Variants in MOSPD2 observed in about 807,000 individuals in gnomAD.
MOSPD2 encodes the protein motile sperm domain-containing protein 2.
In MOSPD2, 5 loss-of-function variants were observed where a neutral mutation model predicts 41.7. That is an observed-to-expected ratio of 0.12 (90% CI 0.06 to 0.25). The LOEUF (loss-of-function observed/expected upper bound fraction) is 0.25. Ranked by LOEUF, MOSPD2 falls within the 10% of genes least tolerant of loss-of-function variation. MOSPD2 has a pLI of 1.00. For synonymous variants in MOSPD2, 115 were observed against 126.9 expected (o/e 0.91, Z 0.63); for missense variants, 282 against 375.2 (o/e 0.75, Z 2.05).
At chrX:14,899,043 C>A (rs760286475) in intron 5 of MOSPD2, among the ~76,000 whole-genome samples, 1 of 108,536 alleles carries the variant, frequency 9.2e-6, no homozygotes, top group East Asian at 2.8e-4. Flanking sequence ...GAAAGAAATG[C>A]AATCATTTAA....
At chrX:14,892,371 T>G (rs1271918041) in intron 2 of MOSPD2, among the ~76,000 whole-genome samples, 1 of 111,250 alleles carries the variant, frequency 9.0e-6, no homozygotes, top group African/African-American at 3.3e-5. Flanking sequence ...CAGGCTCTTT[T>G]CAACAATCAG....
At position 14,908,919 on chromosome X, in the gene MOSPD2, A is replaced by C; in HGVS notation, c.637A>C (p.Thr213Pro). 1 of 1,198,058 alleles carries C rather than the reference A, an allele frequency of 8.3e-7. No homozygotes were observed. Among genetic ancestry groups the C allele is most frequent in the Non-Finnish European group, 1.1e-6 (1 of 885,561 alleles). The change falls in exon 8 of 15, where the codon ACA becomes CCA. Residue 213 changes from threonine (T) to proline (P), a missense_variant. Thr to Pro is a conservative substitution (Grantham distance 38, BLOSUM62 -1). Coordinates refer to ENST00000380492, the MANE Select transcript of MOSPD2 (RefSeq NM_152581.4). ...AGAAGCAGTGAGCTTGTTGAAGTTT[A>C]CAAGCAAAAATGAAGTCCAGGACTA... is the stretch of plus-strand genomic sequence containing the variant. ...GPEAVSLLKF[T>P]SKNEVQDYVS... is the part of the protein sequence containing the mutation.
chrX:14,904,401 G>A (rs1183110815), intron 7 of MOSPD2, among the ~76,000 whole-genome samples: 1 of 111,602 alleles, frequency 9.0e-6, no homozygotes, highest in African/African-American at 3.3e-5. Context: ...AAAAGCATTT[G>A]ACAAAATCTA....
intron 13 of MOSPD2, among the ~76,000 whole-genome samples, chrX:14,916,891 A>G: frequency 8.9e-6 from 1 of 112,736 alleles, no homozygotes; most frequent in South Asian, 3.7e-4. Flanking sequence ...GTATATAGAT[A>G]TATCAGGTTG....
chrX:14,914,096 G>T (rs1457237352), intron 10 of MOSPD2, among the ~76,000 whole-genome samples: 1 of 111,515 alleles, frequency 9.0e-6, no homozygotes, highest in Non-Finnish European at 1.9e-5. Flanking sequence ...TTTTCTGTTG[G>T]TGTATAGAAA....
rs1158007518 is a variant in MOSPD2 at position 14,922,143 on chromosome X, T to G, written c.*2334T>G. 9.0e-6 allele frequency: 1 copy of G among 111,607 alleles called. No individual in the cohort carries two copies. Among genetic ancestry groups the G allele is most frequent in the Non-Finnish European group, 1.9e-5 (1 of 53,151 alleles). 9.2% of individuals were successfully genotyped at this position (111,607 alleles called of 1,213,427 possible). On this transcript the variant is annotated 3_prime_UTR_variant, in exon 15 of 15. Coordinates refer to ENST00000380492, the MANE Select transcript of MOSPD2 (RefSeq NM_152581.4). ...TTGTACAACTACAAAAAAAAATATATTCCTAGAATTGTTGCCAGTGTAATT... is the reference window on the plus strand; with the variant it reads ...TTGTACAACTACAAAAAAAAATATAGTCCTAGAATTGTTGCCAGTGTAATT...
At chrX:14,876,489 C>A (rs1176862586) in intron 2 of MOSPD2, among the ~76,000 whole-genome samples, 1 of 111,945 alleles carries the variant, frequency 8.9e-6, no homozygotes, top group Non-Finnish European at 1.9e-5. Context: ...ACTAAGTTAC[C>A]ATTATGTATA....
chrX:14,903,387 T>G (rs1172160946), intron 7 of MOSPD2, among the ~76,000 whole-genome samples: 1 of 110,428 alleles, frequency 9.1e-6, no homozygotes, highest in African/African-American at 3.3e-5. Context: ...ATTCAACCAT[T>G]AAGGTAATAC....
At chrX:14,876,263 A>G (rs2092519961) in intron 2 of MOSPD2, among the ~76,000 whole-genome samples, 1 of 112,378 alleles carries the variant, frequency 8.9e-6, no homozygotes, top group South Asian at 3.6e-4. Context: ...TGTTTAGAAC[A>G]TCCACTTTCC....
At position 14,916,308 on chromosome X, in the gene MOSPD2, A is replaced by G. The variant is rs759420459; in HGVS notation, c.1298A>G (p.Asn433Ser). 4 of 1,211,848 alleles carry G rather than the reference A, an allele frequency of 3.3e-6. No homozygotes were observed. In the South Asian group the frequency reaches 5.3e-5, roughly 16 times the overall value. ...CAGTTTTGGAAAGAAGTTCCCAGAA[A>G]CAAAGTGATGGAACATAGGTAAGCT... ...LTQFWKEVPR[N>S]KVMEHRLRCH... is the part of the protein sequence containing the mutation. The change falls in exon 13 of 15, where the codon AAC becomes AGC. Residue 433 changes from asparagine to serine, a missense_variant. Around this residue, in one of 3 missense-constraint regions of MOSPD2, gnomAD observed 94 missense variants for 102.1 expected, o/e 0.92. Coordinates refer to ENST00000380492, the MANE Select transcript of MOSPD2 (RefSeq NM_152581.4).
At chrX:14,891,641 C>T (rs1329107390) in intron 2 of MOSPD2, among the ~76,000 whole-genome samples, 1 of 107,663 alleles carries the variant, frequency 9.3e-6, no homozygotes, top group Non-Finnish European at 1.9e-5. Flanking sequence ...AATCTCAGCT[C>T]ACTGCAACCT....
chrX:14,885,633 G>A (rs1271962077), intron 2 of MOSPD2, among the ~76,000 whole-genome samples: 1 of 110,970 alleles, frequency 9.0e-6, no homozygotes, highest in Non-Finnish European at 1.9e-5. Flanking sequence ...TATAAAGTTT[G>A]CCAATCTTGT....
intron 2 of MOSPD2, among the ~76,000 whole-genome samples, chrX:14,892,213 C>T (rs2092555195): frequency 9.0e-6 from 1 of 111,467 alleles, no homozygotes; most frequent in Admixed American, 9.5e-5. Context: ...GTTTATTTGG[C>T]CCATGGTTCT....
intron 4 of MOSPD2, among the ~76,000 whole-genome samples, chrX:14,896,818 A>G (rs1226584147): frequency 8.9e-6 from 1 of 112,632 alleles, no homozygotes; most frequent in African/African-American, 3.2e-5. Flanking sequence ...GATTATTATC[A>G]AATAGTGTTT....
rs1204461079 is a variant in MOSPD2, at chrX:14,881,405, CT to C, written c.79+7648del. 1.2e-4 allele frequency among the ~76,000 whole-genome samples: 13 copies of C among 111,157 alleles called. 1 individual carries two copies. Among genetic ancestry groups the C allele is most frequent in the African/African-American group, 4.3e-4 (13 of 30,567 alleles). ...GATAAGCAGTAAATGGAAAAAACTC[CT>C]GTAGGGTAAAGGGAACATATAACAG... On this transcript the variant is annotated intron_variant, in intron 2 of 14. Coordinates refer to ENST00000380492, the MANE Select transcript of MOSPD2 (RefSeq NM_152581.4).
rs772793741 is a variant in MOSPD2, at chrX:14,893,086, G to T, written c.235+208G>T. 1.2e-3 allele frequency: 352 copies of T among 303,190 alleles called. 2 individuals are homozygous for T. Among genetic ancestry groups the T allele is most frequent in the African/African-American group, 8.6e-3 (324 of 37,722 alleles). The allele number at this position is 303,190 out of a possible 1,213,427, so 25.0% of individuals were successfully genotyped here. ...TTCATAAGGAAATCAGATCACCAGA[G>T]AGCAGAATCACACTCAGATTCTTCA... is the stretch of plus-strand genomic sequence containing the variant. On this transcript the variant is annotated intron_variant, in intron 3 of 14. Transcript: ENST00000380492.
chrX:14,908,461 TAGAG>T (rs1483555697), intron 7 of MOSPD2, among the ~76,000 whole-genome samples: 1 of 111,519 alleles, frequency 9.0e-6, no homozygotes, highest in Non-Finnish European at 1.9e-5. Context: ...GTTTTTCAGA[TAGAG>T]AGTTTATCAG....
At position 14,920,208 on chromosome X, in the gene MOSPD2, AATT is replaced by A; in HGVS notation, c.*405_*407del. ...AATGTAATCTGCTTTTTTATGACAG[AATT>A]ATTATAGCTGAGCTGACTTACTAGC... On this transcript the variant is annotated 3_prime_UTR_variant, in exon 15 of 15. Coordinates refer to ENST00000380492, the MANE Select transcript of MOSPD2 (RefSeq NM_152581.4). The A allele has an allele frequency of 2.7e-6, 2 of 754,373 alleles. No individual in the cohort carries two copies. Among genetic ancestry groups the A allele is most frequent in the Non-Finnish European group, 3.1e-6 (2 of 638,894 alleles). The allele number at this position is 754,373 out of a possible 1,213,427, so 62.2% of individuals were successfully genotyped here. A position where few individuals can be genotyped will look rare whatever the true frequency, so the allele number is the denominator to read the frequency against.
At position 14,911,316 on chromosome X, in the gene MOSPD2, G is replaced by C; in HGVS notation, c.782G>C (p.Ser261Thr). 8.3e-7 allele frequency: 1 copy of C among 1,204,024 alleles called. No homozygotes were observed. Among genetic ancestry groups the C allele is most frequent in the Non-Finnish European group, 1.1e-6 (1 of 889,541 alleles). Residue 261 changes from serine (S) to threonine (T), a missense_variant, in exon 9 of 15, where the codon AGT becomes ACT. This residue lies in a region of MOSPD2 where 187 missense variants were observed against 256.6 expected (regional missense o/e 0.73). Coordinates refer to ENST00000380492, the MANE Select transcript of MOSPD2 (RefSeq NM_152581.4). ...TPLCENGPIT[S>T]EDETSSKEDI... ...CTGTGTGAGAATGGGCCTATTACCA[G>C]TGAGGATGAAACTTCAAGTAAAGAA...
Sources: gnomAD v4.1 joint callset for allele counts (sites outside exome capture counted in the v4.1 genomes callset) on GRCh38, gnomAD v4.1.1 for gene constraint, gnomAD v4.1.1 regional missense constraint, MANE v1.5 for transcripts, NCBI Gene and HGNC (gene_info 2026-07-23, HGNC 2026-07-21) for gene names.